Variants in SUGCT observed in about 807,000 individuals in gnomAD.
The protein encoded by SUGCT is succinyl-CoA:glutarate-CoA transferase, also known as succinyl-CoA:glutarate CoA-transferase.
In SUGCT, 41 loss-of-function variants were observed where a neutral mutation model predicts 55.0. That is an observed-to-expected ratio of 0.74 (90% CI 0.58 to 0.97). The LOEUF is 0.97. Ranked by LOEUF, SUGCT falls within the 50% of genes least tolerant of loss-of-function variation. SUGCT has a pLI of 0.00. For missense variants in SUGCT, 568 were observed against 547.8 expected, an observed-to-expected ratio of 1.04 and a Z score of -0.37; for synonymous variants, 187 against 200.4, an observed-to-expected ratio of 0.93 and a Z score of 0.56.
At chr7:40,630,521 AG>A (rs1018404241) in intron 12 of SUGCT, among the ~76,000 whole-genome samples, 12 of 152,232 alleles carry the variant, frequency 7.9e-5, no homozygotes, top group African/African-American at 2.9e-4. Context: ...GTTAAAAAAA[AG>A]ATTTTGCCTG....
chr7:40,481,051 A>G (rs1791005531), intron 11 of SUGCT, among the ~76,000 whole-genome samples: 1 of 152,224 alleles, frequency 6.6e-6, no homozygotes, highest in South Asian at 2.1e-4. Context: ...GCAGTGGCCC[A>G]TGCCTGTAAT....
At chr7:40,217,583 T>G (rs1478323531) in intron 6 of SUGCT, 3 of 288,802 alleles carry the variant, frequency 1.0e-5, no homozygotes, top group African/African-American at 6.9e-5. Context: ...CATCCCAGCA[T>G]GTTGTGCCTT....
intron 6 of SUGCT, among the ~76,000 whole-genome samples, chr7:40,235,735 A>G (rs985133142): frequency 6.6e-6 from 1 of 152,236 alleles, no homozygotes; most frequent in Non-Finnish European, 1.5e-5. Context: ...AAACAGAAAA[A>G]CATTCTGGAG....
At chr7:40,369,393 T>G (rs915723716) in intron 9 of SUGCT, among the ~76,000 whole-genome samples, 6 of 152,180 alleles carry the variant, frequency 3.9e-5, no homozygotes, top group Non-Finnish European at 7.3e-5. Flanking sequence ...CCTAGTTATG[T>G]CTACCATTTT....
At chr7:40,249,368 T>TTATATAGAATAATG (rs1303083795) in intron 7 of SUGCT, among the ~76,000 whole-genome samples, 15 of 137,398 alleles carry the variant, frequency 1.1e-4, no homozygotes, top group African/African-American at 3.5e-4. Flanking sequence ...ATAGAATATA[T>TTATATAGAATAATG]TATATACAAA....
intron 12 of SUGCT, among the ~76,000 whole-genome samples, chr7:40,675,720 G>C (rs898048546): frequency 6.6e-6 from 1 of 152,204 alleles, no homozygotes; most frequent in Non-Finnish European, 1.5e-5. Context: ...CATCAGGAAC[G>C]GGGAGACATC....
the SUGCT span, among the ~76,000 whole-genome samples, chr7:41,005,926 T>C: frequency 6.6e-6 from 1 of 152,222 alleles, no homozygotes; most frequent in Non-Finnish European, 1.5e-5. Flanking sequence ...TATCCCAGAC[T>C]GCAACGTTCA....
chr7:40,505,261 A>T (rs370715902), intron 12 of SUGCT, among the ~76,000 whole-genome samples: 1 of 152,018 alleles, frequency 6.6e-6, no homozygotes, highest in Non-Finnish European at 1.5e-5. Context: ...AGTATGTCTC[A>T]TGTAGATGGT....
chr7:40,998,421 TA>T, the SUGCT span, among the ~76,000 whole-genome samples: 3 of 151,820 alleles, frequency 2.0e-5, no homozygotes, highest in African/African-American at 7.3e-5. Flanking sequence ...ACTACTACAT[TA>T]AAAAACTGCT....
intron 12 of SUGCT, among the ~76,000 whole-genome samples, chr7:40,549,890 G>T (rs988147081): frequency 1.1e-4 from 17 of 152,186 alleles, no homozygotes; most frequent in Admixed American, 1.0e-3. Context: ...ATACAGTGCT[G>T]TCCTAGAACA....
intron 11 of SUGCT, among the ~76,000 whole-genome samples, chr7:40,480,286 A>G (rs934048701): frequency 1.1e-4 from 17 of 152,020 alleles, no homozygotes; most frequent in African/African-American, 4.1e-4. Flanking sequence ...TCTCTTCCCT[A>G]TTCTATGTTC....
At chr7:40,538,456 TCTC>T (rs1159973647) in intron 12 of SUGCT, 1 of 152,188 alleles carries the variant, frequency 6.6e-6, no homozygotes, top group African/African-American at 2.4e-5. Flanking sequence ...AGTAAAAATA[TCTC>T]CTCCCCTCCT....
the SUGCT span, among the ~76,000 whole-genome samples, chr7:40,891,157 C>T: frequency 1.1e-4 from 16 of 152,066 alleles, no homozygotes; most frequent in East Asian, 3.9e-4. Context: ...ATGGAACTTA[C>T]GACACACAAT....
chr7:40,818,757 CATT>C (rs1791811982), intron 13 of SUGCT, among the ~76,000 whole-genome samples: 6 of 151,884 alleles, frequency 4.0e-5, no homozygotes, highest in African/African-American at 9.7e-5. Flanking sequence ...TCCAAGGTAA[CATT>C]ATCTTTTTTT....
the SUGCT span, chr7:40,966,459 T>C: frequency 6.6e-6 from 1 of 152,216 alleles, no homozygotes; most frequent in Non-Finnish European, 1.5e-5. Flanking sequence ...GACTCTCTTA[T>C]TCATATGCTG....
At chr7:40,854,458 TTC>T (rs1794054787) in intron 13 of SUGCT, among the ~76,000 whole-genome samples, 1 of 145,490 alleles carries the variant, frequency 6.9e-6, no homozygotes, top group Non-Finnish European at 1.5e-5. Flanking sequence ...CTTTCTTTCT[TTC>T]TTTCTTTCTT....
chr7:40,199,221 T>C (rs1057092625), intron 6 of SUGCT, among the ~76,000 whole-genome samples: 1 of 152,132 alleles, frequency 6.6e-6, no homozygotes, highest in Non-Finnish European at 1.5e-5. Context: ...AATCTTAGAA[T>C]GGCTGGGAGA....
chr7:40,212,534 AT>A (rs373732440), intron 6 of SUGCT, among the ~76,000 whole-genome samples: 11 of 148,962 alleles, frequency 7.4e-5, no homozygotes, highest in South Asian at 2.1e-4. Flanking sequence ...ATAGTTCAAT[AT>A]TTTTTTTTTG....
At chr7:40,374,633 C>T (rs1784454119) in intron 9 of SUGCT, among the ~76,000 whole-genome samples, 1 of 152,104 alleles carries the variant, frequency 6.6e-6, no homozygotes, top group African/African-American at 2.4e-5. Context: ...ATAACTAGCT[C>T]TGCATTTTCC....
Sources: gnomAD v4.1 joint callset for allele counts (sites outside exome capture counted in the v4.1 genomes callset) on GRCh38, gnomAD v4.1.1 for gene constraint, MANE v1.5 for transcripts, NCBI Gene and HGNC (gene_info 2026-07-23, HGNC 2026-07-21) for gene names.